TTC9: variants seen among roughly 807,000 people sequenced by gnomAD.
The protein encoded by TTC9 is tetratricopeptide repeat domain 9, also known as tetratricopeptide repeat protein 9A.
Under a neutral mutation model 22.9 loss-of-function variants are expected in TTC9, and 13 were observed. That is an observed-to-expected ratio of 0.57 (90% confidence interval 0.37 to 0.90). The LOEUF (loss-of-function observed/expected upper bound fraction) is 0.90, where lower values mean the gene tolerates loss of function less well. Ranked by LOEUF, TTC9 falls within the 40% of genes least tolerant of loss-of-function variation. The probability of loss-of-function intolerance (pLI) is 0.01; values close to 1 mark genes in which losing one functional copy is unlikely to be tolerated. For synonymous variants in TTC9, 148 were observed against 133.2 expected, an observed-to-expected ratio of 1.11 and a Z score of -0.77; for missense variants, 280 against 291.8, an observed-to-expected ratio of 0.96 and a Z score of 0.29.
intron 2 of TTC9, 95 bp from the exon 3 acceptor site, chr14:70,670,981 G>C: frequency 8.0e-7 from 1 of 1,245,464 alleles, no homozygotes; most frequent in Non-Finnish European, 1.1e-6. Flanking sequence ...AGCCTGGCCT[G>C]TTGGATGTCT....
intron 1 of TTC9, among the ~76,000 whole-genome samples, chr14:70,646,440 G>A (rs771108589): frequency 7.2e-5 from 11 of 152,150 alleles, no homozygotes; most frequent in South Asian, 2.1e-4. Flanking sequence ...CCTTTGAAGG[G>A]CAGAGTCTTT....
At chr14:70,648,200 G>A (rs898511440) in intron 1 of TTC9, among the ~76,000 whole-genome samples, 1 of 152,186 alleles carries the variant, frequency 6.6e-6, no homozygotes, top group Non-Finnish European at 1.5e-5. Context: ...CTAAGCTGTT[G>A]TTGACCTGGG....
At chr14:70,652,549 A>T (rs1886000066) in intron 1 of TTC9, among the ~76,000 whole-genome samples, 1 of 152,240 alleles carries the variant, frequency 6.6e-6, no homozygotes, top group Non-Finnish European at 1.5e-5. Context: ...CAGCTATATT[A>T]GGCCAGGAAG....
chr14:70,663,453 C>T (rs1886171263), intron 1 of TTC9, among the ~76,000 whole-genome samples: 1 of 152,336 alleles, frequency 6.6e-6, no homozygotes, highest in African/African-American at 2.4e-5. Flanking sequence ...AGGCTCAAGA[C>T]ATCCTCATGT....
chr14:70,658,550 G>A (rs1470357116), intron 1 of TTC9, among the ~76,000 whole-genome samples: 1 of 152,188 alleles, frequency 6.6e-6, no homozygotes, highest in East Asian at 1.9e-4. Context: ...AGGCAAGGAT[G>A]TGCTATAATT....
chr14:70,650,518 C>G (rs1953796), intron 1 of TTC9, among the ~76,000 whole-genome samples: 1 of 152,004 alleles, frequency 6.6e-6, no homozygotes, highest in Non-Finnish European at 1.5e-5. Flanking sequence ...TTCTTAAGAA[C>G]GTAGCAGAAG....
intron 1 of TTC9, among the ~76,000 whole-genome samples, chr14:70,650,784 T>C (rs1566696184): frequency 6.6e-6 from 1 of 152,158 alleles, no homozygotes; most frequent in Non-Finnish European, 1.5e-5. Context: ...AAAACCTATA[T>C]TACTTGAAAA....
At chr14:70,661,583 C>T (rs1315340515) in intron 1 of TTC9, among the ~76,000 whole-genome samples, 1 of 152,216 alleles carries the variant, frequency 6.6e-6, no homozygotes, top group African/African-American at 2.4e-5. Flanking sequence ...TTCCCTTTAT[C>T]TCATGCCAGT....
At chr14:70,646,427 A>T (rs1006333224) in intron 1 of TTC9, among the ~76,000 whole-genome samples, 5 of 152,188 alleles carry the variant, frequency 3.3e-5, no homozygotes, top group Non-Finnish European at 5.9e-5. Flanking sequence ...TTCAGTGTAG[A>T]ACCCTTTGAA....
chr14:70,672,428 A>G lies in TTC9; in HGVS notation c.*1273A>G, dbSNP rs1886310040. 1 of 152,212 alleles carries G rather than the reference A, an allele frequency of 6.6e-6. No homozygotes were observed. Among genetic ancestry groups the G allele is most frequent in the African/African-American group, 2.4e-5 (1 of 41,444 alleles). The allele number at this position is 152,212 out of a possible 1,614,324, so 9.4% of individuals were successfully genotyped here. On this transcript the variant is annotated 3_prime_UTR_variant, in exon 3 of 3. Transcript: ENST00000256367. ...ATGCTATGCCATGTTGCTTCAGTCA[A>G]ACAAGAAACACTTACTGAGGGCATA...
chr14:70,642,137 G>A lies in TTC9; in HGVS notation c.8G>A (p.Arg3Lys), dbSNP rs1885820578. 4 of 1,151,076 alleles carry A rather than the reference G, an allele frequency of 3.5e-6. No homozygotes were observed. The highest frequency in any genetic ancestry group is 4.3e-6 in the Non-Finnish European group (4 of 932,460). The allele number at this position is 1,151,076 out of a possible 1,614,324, so 71.3% of individuals were successfully genotyped here. A position where few individuals can be genotyped will look rare whatever the true frequency, so the allele number is the denominator to read the frequency against. ME[R>K]KGSAAGAKGN... ...CGCCGGGGCGGCGGCCGAATGGAGA[G>A]AAAGGGCTCGGCGGCCGGGGCCAAG... Residue 3 changes from arginine to lysine, a missense_variant, in exon 1 of 3, where the codon AGA (arginine) becomes AAA (lysine). Physicochemically the swap from Arg to Lys is conservative, Grantham distance 26. Transcript: ENST00000256367.
At chr14:70,661,002 A>T (rs1285966718) in intron 1 of TTC9, among the ~76,000 whole-genome samples, 2 of 148,456 alleles carry the variant, frequency 1.3e-5, no homozygotes, top group African/African-American at 5.3e-5. Context: ...TGGGTGACTT[A>T]AAATAACAGA....
intron 1 of TTC9, among the ~76,000 whole-genome samples, chr14:70,653,311 G>A (rs761123770): frequency 9.9e-5 from 15 of 152,204 alleles, no homozygotes; most frequent in Non-Finnish European, 8.8e-5. Context: ...GGAAGCAAGT[G>A]AGCAAAAAGG....
intron 1 of TTC9, among the ~76,000 whole-genome samples, chr14:70,665,555 TTAGCAGCC>T (rs1886204460): frequency 6.6e-6 from 1 of 152,138 alleles, no homozygotes; most frequent in Admixed American, 6.5e-5. Context: ...CCCTCGGGGG[TTAGCAGCC>T]TGTTGCTTCT....
intron 2 of TTC9, among the ~76,000 whole-genome samples, chr14:70,670,272 G>A (rs1266689801): frequency 6.6e-6 from 1 of 152,190 alleles, no homozygotes; most frequent in African/African-American, 2.4e-5. Flanking sequence ...GTCACAGTGA[G>A]GAGAAGGATA....
At chr14:70,642,795 G>C (rs1885843142) in intron 1 of TTC9, among the ~76,000 whole-genome samples, 1 of 152,226 alleles carries the variant, frequency 6.6e-6, no homozygotes, top group African/African-American at 2.4e-5. Flanking sequence ...AGCTGGCCTG[G>C]CTATGGCTGC....
intron 1 of TTC9, among the ~76,000 whole-genome samples, chr14:70,666,065 T>C (rs546980631): frequency 2.0e-5 from 3 of 152,040 alleles, no homozygotes; most frequent in African/African-American, 7.2e-5. Context: ...TACTTTGCCG[T>C]TGGTCAATGC....
chr14:70,666,057 C>T (rs1886211240), intron 1 of TTC9, among the ~76,000 whole-genome samples: 1 of 152,034 alleles, frequency 6.6e-6, no homozygotes, highest in Admixed American at 6.6e-5. Flanking sequence ...ATGCAACATA[C>T]TTTGCCGTTG....
intron 1 of TTC9, among the ~76,000 whole-genome samples, chr14:70,651,120 A>C (rs991341247): frequency 1.3e-3 from 205 of 152,272 alleles, no homozygotes; most frequent in African/African-American, 4.7e-3. Context: ...AGCTGGGATT[A>C]CCAGCGTGCG....
Sources: allele counts gnomAD v4.1 joint callset (sites outside exome capture counted in the v4.1 genomes callset), GRCh38; gene constraint gnomAD v4.1.1; transcripts MANE v1.5; gene names NCBI Gene and HGNC (gene_info 2026-07-23, HGNC 2026-07-21).